The following UNC80 variants were observed in gnomAD, a reference collection of about 807,000 sequenced individuals.
UNC80 encodes the protein protein unc-80 homolog.
In UNC80, 164 loss-of-function variants were observed where a neutral mutation model predicts 384.6. The ratio of observed to expected loss-of-function variants is 0.43; its 90% CI spans 0.38 to 0.49. The LOEUF (loss-of-function observed/expected upper bound fraction) is 0.49, where lower values mean the gene tolerates loss of function less well. Among genes scored for constraint, UNC80 ranks in the 20% least tolerant of loss-of-function variants. UNC80 has a pLI of 0.00. For missense variants in UNC80, 3,330 were observed against 4,143.0 expected, an observed-to-expected ratio of 0.80 and a Z score of 5.39; for synonymous variants, 1,486 against 1,527.8, an observed-to-expected ratio of 0.97 and a Z score of 0.64.
chr2:209,858,533 C>A (rs1378230395), intron 22 of UNC80, among the ~76,000 whole-genome samples: 1 of 151,874 alleles, frequency 6.6e-6, no homozygotes, highest in Non-Finnish European at 1.5e-5. Context: ...CATAGCGAAA[C>A]CCTGTCTCTA....
chr2:209,973,205 G>A lies in UNC80; in HGVS notation c.8522G>A (p.Gly2841Glu). 6.4e-7 allele frequency: 1 copy of A among 1,551,672 alleles called. No individual in the cohort carries two copies. The highest frequency in any genetic ancestry group is 1.2e-5 in the South Asian group (1 of 84,056). Reference sequence around the variant, plus strand: ...TCCCCAGCCCACTGCTCCACCCCTGGGGATGCGGGGAAAGACTTGCGCAGG... The same window carrying A: ...TCCCCAGCCCACTGCTCCACCCCTGAGGATGCGGGGAAAGACTTGCGCAGG... ...ESSPAHCSTP[G>E]DAGKDLRREG... Residue 2841 changes from glycine (G) to glutamate (E), a missense_variant, in exon 56 of 65, where the codon GGG becomes GAG. Coordinates refer to ENST00000673920, the MANE Select transcript of UNC80 (RefSeq NM_001371986.1).
rs546845375 is a variant in UNC80, at chr2:209,791,562, A to G, written c.798+1957A>G. 1.4e-4 allele frequency among the ~76,000 whole-genome samples: 21 copies of G among 151,974 alleles called. No homozygotes were observed. In the East Asian group the frequency reaches 3.7e-3, roughly 27 times the overall value. On this transcript the variant is annotated intron_variant, in intron 6 of 64. Coordinates refer to ENST00000673920, the MANE Select transcript of UNC80 (RefSeq NM_001371986.1). The stretch of plus-strand genomic sequence containing the variant: ...TCGTCTAAATTTTATCCTTTTAAGG[A>G]CCAATTAAGATCTCAATTCAGGCTG...
Position 209,933,993 on chromosome 2 carries a change from G to A in UNC80, c.6166G>A (p.Ala2056Thr), listed in dbSNP as rs529074205. ...GTGTGAGGTGAAGCTCCTGGTGACC[G>A]CTTCAATGCCAGGTAAGCCACTACT... ...EQCEVKLLVT[A>T]SMPGTKTLVV... The change falls in exon 39 of 65, where the codon GCT (alanine) becomes ACT (threonine). Residue 2056 changes from alanine (A) to threonine (T), a missense_variant. Physicochemically the swap from Ala to Thr is moderately conservative, Grantham distance 58 (BLOSUM62 0). Around this residue, in one of 8 missense-constraint regions of UNC80, gnomAD observed 1,049 missense variants for 1,488.6 expected, o/e 0.70. Transcript: ENST00000673920. 2 of 1,543,580 alleles carry A rather than the reference G, an allele frequency of 1.3e-6. No homozygotes were observed. The highest frequency in any genetic ancestry group is 1.2e-5 in the South Asian group (1 of 82,962).
At chr2:209,962,125 T>C (rs1351974619) in intron 51 of UNC80, among the ~76,000 whole-genome samples, 1 of 152,226 alleles carries the variant, frequency 6.6e-6, no homozygotes, top group African/African-American at 2.4e-5. Context: ...GGCGTTGTTA[T>C]GACCTACAAT....
chr2:209,816,996 C>T lies in UNC80; in HGVS notation c.1423C>T (p.Pro475Ser). 6.4e-7 allele frequency: 1 copy of T among 1,551,712 alleles called. No homozygotes were observed. Among genetic ancestry groups the T allele is most frequent in the South Asian group, 1.2e-5 (1 of 84,056 alleles). The change falls in exon 10 of 65, where the codon CCC becomes TCC. Residue 475 changes from proline (P) to serine (S), a missense_variant. Coordinates refer to ENST00000673920, the MANE Select transcript of UNC80 (RefSeq NM_001371986.1). The stretch of plus-strand genomic sequence containing the variant: ...GAGGAGGCCACGGAGAATGGGAGTG[C>T]CCTTCCTGCTTCACGAGGACCACCT... The part of the protein sequence containing the change: ...GKRRPRRMGV[P>S]FLLHEDHLDV...
At chr2:209,884,597 T>C (rs192311748) in intron 25 of UNC80, among the ~76,000 whole-genome samples, 1 of 152,308 alleles carries the variant, frequency 6.6e-6, no homozygotes, top group East Asian at 1.9e-4. Context: ...TACATACATG[T>C]GTATGTTCAT....
In UNC80 at chr2:209,955,291, C is replaced by T. The variant is rs917860465; in HGVS notation, c.7457+1021C>T. ...GGGAAGCCCTTTAGTCCAGGAAGGACTTTTTCAGCATGCATCAGCAAGAAA... is the reference window on the plus strand; with the variant it reads ...GGGAAGCCCTTTAGTCCAGGAAGGATTTTTTCAGCATGCATCAGCAAGAAA... On this transcript the variant is annotated intron_variant, in intron 48 of 64. Transcript: ENST00000673920. Among the ~76,000 whole-genome samples, 5 of 152,038 alleles carry T rather than the reference C, an allele frequency of 3.3e-5. 1 individual carries two copies. In the East Asian group the frequency reaches 9.7e-4, roughly 30 times the overall value.
intron 7 of UNC80, among the ~76,000 whole-genome samples, chr2:209,799,085 GTT>G (rs60812648): frequency 0.012 from 1,743 of 144,802 alleles, 31 homozygotes; most frequent in African/African-American, 0.036. Flanking sequence ...TAAAATAAGT[GTT>G]TTTTTTTTTT....
At chr2:209,888,015 AAAT>A in intron 25 of UNC80, 77 bp from the exon 26 acceptor site, 1 of 1,419,594 alleles carries the variant, frequency 7.0e-7, no homozygotes, top group South Asian at 1.3e-5. Flanking sequence ...GTATAATTCA[AAAT>A]GGTGGGAGGC....
At position 209,771,852 on chromosome 2, in the gene UNC80, C is replaced by T. The variant is rs961382362; in HGVS notation, c.-221C>T. ...CCGCTGCTCCGAGCGCCCCCCTCCT[C>T]GCTCCGCGGCTCCTCCAGCCCTCCC... On this transcript the variant is annotated 5_prime_UTR_variant, in exon 1 of 65. Coordinates refer to ENST00000673920, the MANE Select transcript of UNC80 (RefSeq NM_001371986.1). The T allele has an allele frequency of 1.5e-5, 8 of 545,234 alleles. No homozygotes were observed. The highest frequency in any genetic ancestry group is 2.7e-5 in the Non-Finnish European group (8 of 296,882). 33.8% of individuals were successfully genotyped at this position (545,234 alleles called of 1,614,324 possible). A position where few individuals can be genotyped will look rare whatever the true frequency, so the allele number is the denominator to read the frequency against.
chr2:209,887,487 A>C (rs2085930965), intron 25 of UNC80, among the ~76,000 whole-genome samples: 1 of 152,196 alleles, frequency 6.6e-6, no homozygotes. Flanking sequence ...TCCCAATCTT[A>C]AGGTCCTTAG....
chr2:209,987,156 C>T (rs1420051511), intron 61 of UNC80, among the ~76,000 whole-genome samples: 2 of 152,142 alleles, frequency 1.3e-5, no homozygotes, highest in Non-Finnish European at 2.9e-5. Flanking sequence ...ACCAAACTTG[C>T]ATGAGAATTT....
intron 64 of UNC80, among the ~76,000 whole-genome samples, chr2:209,994,793 A>AATTT (rs2093455393): frequency 6.6e-6 from 1 of 152,192 alleles, no homozygotes; most frequent in Non-Finnish European, 1.5e-5. Flanking sequence ...AAGATAGTTC[A>AATTT]ATTTAAAAAA....
rs1459459269 is a variant in UNC80, at chr2:209,997,213, G to C, written c.*1618G>C. The C allele has an allele frequency of 2.0e-5, 3 of 152,060 alleles. No homozygotes were observed. The highest frequency in any genetic ancestry group is 3.9e-4 in the East Asian group (2 of 5,194). 9.4% of individuals were successfully genotyped at this position (152,060 alleles called of 1,614,324 possible). On this transcript the variant is annotated 3_prime_UTR_variant, in exon 65 of 65. Transcript: ENST00000673920. ...TAAAAGAACAAAACTAAAAATTTCAGATCTAACAATTGAAAGAAAATTGAG... is the reference window on the plus strand; with the variant it reads ...TAAAAGAACAAAACTAAAAATTTCACATCTAACAATTGAAAGAAAATTGAG...
At chr2:209,809,838 GGCA>G (rs1460658271) in intron 7 of UNC80, among the ~76,000 whole-genome samples, 1 of 152,200 alleles carries the variant, frequency 6.6e-6, no homozygotes, top group Non-Finnish European at 1.5e-5. Context: ...CTGGCGGGAG[GGCA>G]GCTGGCAGCC....
At chr2:209,867,210 C>T (rs1213008410) in intron 22 of UNC80, among the ~76,000 whole-genome samples, 1 of 152,152 alleles carries the variant, frequency 6.6e-6, no homozygotes, top group African/African-American at 2.4e-5. Flanking sequence ...TTTCCAGGCC[C>T]TACAATGGAT....
chr2:209,976,295 C>A lies in UNC80; in HGVS notation c.8764C>A (p.Gln2922Lys). ...PIFVLLRPFI[Q>K]CKLLAQPAEN... is the part of the protein sequence containing the mutation. Reference sequence around the variant, plus strand: ...CTTTGTGCTTTTGCGCCCTTTCATCCAGTGCAAGGTGTGGTGTGTGCTTCT... The same window carrying A: ...CTTTGTGCTTTTGCGCCCTTTCATCAAGTGCAAGGTGTGGTGTGTGCTTCT... Residue 2922 changes from glutamine to lysine, a missense_variant, in exon 57 of 65, where the codon CAG (glutamine) becomes AAG (lysine). By Grantham distance (53) the Gln-to-Lys change is moderately conservative. Transcript: ENST00000673920. This position sits in a 1 kb window ranked among gnomAD's most constrained non-coding sequence, Gnocchi z 4.3. 6.4e-7 allele frequency: 1 copy of A among 1,551,754 alleles called. No individual in the cohort carries two copies. The highest frequency in any genetic ancestry group is 8.7e-7 in the Non-Finnish European group (1 of 1,147,020).
At chr2:209,914,016 G>A in intron 31 of UNC80, 76 bp downstream of exon 31, 3 of 1,452,792 alleles carry the variant, frequency 2.1e-6, no homozygotes, top group Middle Eastern at 2.2e-4. Context: ...TAAGAGAGGT[G>A]TTTCCATTCT....
chr2:209,894,043 C>G, intron 26 of UNC80, 120 bp from the exon 27 acceptor site: 1 of 599,508 alleles, frequency 1.7e-6, no homozygotes, highest in Non-Finnish European at 2.1e-6. Context: ...GCTCCTTGTC[C>G]AGAGTGCTCA....
Sources: allele counts gnomAD v4.1 joint callset (sites outside exome capture counted in the v4.1 genomes callset), GRCh38; gene constraint gnomAD v4.1.1; regional missense constraint gnomAD v4.1.1; non-coding constraint Gnocchi (gnomAD v3.1); transcripts MANE v1.5; gene names NCBI Gene and HGNC (gene_info 2026-07-23, HGNC 2026-07-21).